The following LRFN2 variants were observed in gnomAD, a reference collection of about 807,000 sequenced individuals.
The protein encoded by LRFN2 is leucine-rich repeat and fibronectin type-III domain-containing protein 2.
In LRFN2, 18 loss-of-function variants were observed where a neutral mutation model predicts 37.3. The ratio of observed to expected loss-of-function variants is 0.48; its 90% CI spans 0.33 to 0.72. The LOEUF is 0.72. LRFN2 is among the 30% of genes least tolerant of loss of function. The probability of loss-of-function intolerance (pLI) is 0.02; values close to 1 mark genes in which losing one functional copy is unlikely to be tolerated. For synonymous variants in LRFN2, 556 were observed against 466.6 expected, an observed-to-expected ratio of 1.19 and a Z score of -2.47; for missense variants, 1,006 against 1,060.7, an observed-to-expected ratio of 0.95 and a Z score of 0.72.
chr6:40,540,074 G>A (rs1766524086), intron 1 of LRFN2, among the ~76,000 whole-genome samples: 1 of 152,152 alleles, frequency 6.6e-6, no homozygotes, highest in South Asian at 2.1e-4. Flanking sequence ...CATGGATGCA[G>A]TAGTTGAGAG....
intron 1 of LRFN2, among the ~76,000 whole-genome samples, chr6:40,482,060 T>C (rs1465613205): frequency 6.6e-6 from 1 of 152,218 alleles, no homozygotes; most frequent in Non-Finnish European, 1.5e-5. Context: ...CTAGAAGGGA[T>C]GCTGGGTTCT....
At chr6:40,586,605 A>G (rs549188882) in intron 1 of LRFN2, among the ~76,000 whole-genome samples, 99 of 152,170 alleles carry the variant, frequency 6.5e-4, no homozygotes, top group African/African-American at 2.3e-3. Context: ...TCTGGCGGCA[A>G]AGTTCTCCTG....
chr6:40,526,632 A>T (rs1271596601), intron 1 of LRFN2, among the ~76,000 whole-genome samples: 2 of 152,120 alleles, frequency 1.3e-5, no homozygotes, highest in African/African-American at 4.8e-5. Context: ...GCTCTTCCCC[A>T]AGAGCTCAGC....
chr6:40,520,983 C>T (rs1049774084), intron 1 of LRFN2, among the ~76,000 whole-genome samples: 2 of 152,214 alleles, frequency 1.3e-5, no homozygotes. Context: ...ACAGGCCAGG[C>T]GGGAGAAGCC....
chr6:40,552,433 G>A (rs1005358712), intron 1 of LRFN2, among the ~76,000 whole-genome samples: 6 of 152,204 alleles, frequency 3.9e-5, no homozygotes, highest in Non-Finnish European at 8.8e-5. Flanking sequence ...GAATAGCAAA[G>A]CTCTCTATGT....
At chr6:40,530,856 C>T (rs1157792883) in intron 1 of LRFN2, among the ~76,000 whole-genome samples, 1 of 152,174 alleles carries the variant, frequency 6.6e-6, no homozygotes, top group Non-Finnish European at 1.5e-5. Flanking sequence ...TTCTTTGCTG[C>T]TTCATATGCT....
At chr6:40,505,403 G>A (rs1265702206) in intron 1 of LRFN2, among the ~76,000 whole-genome samples, 2 of 152,126 alleles carry the variant, frequency 1.3e-5, no homozygotes, top group Non-Finnish European at 2.9e-5. Context: ...CCATGGTTTC[G>A]GAAGTCTCTA....
chr6:40,424,064 T>C (rs575791989), intron 2 of LRFN2, among the ~76,000 whole-genome samples: 3 of 152,286 alleles, frequency 2.0e-5, no homozygotes, highest in East Asian at 1.9e-4. Context: ...GACTCCAGAG[T>C]CATCTTTTTC....
chr6:40,551,364 G>A (rs1167355243), intron 1 of LRFN2, among the ~76,000 whole-genome samples: 1 of 152,180 alleles, frequency 6.6e-6, no homozygotes, highest in East Asian at 1.9e-4. Context: ...AGCTCGAGGA[G>A]GACAAAGCCA....
chr6:40,501,870 G>A (rs1765390450), intron 1 of LRFN2: 1 of 152,120 alleles, frequency 6.6e-6, no homozygotes, highest in Admixed American at 6.5e-5. Context: ...GCCAAACAGG[G>A]AGCAGAGAGC....
intron 2 of LRFN2, among the ~76,000 whole-genome samples, chr6:40,396,495 C>A (rs946774617): frequency 6.6e-6 from 1 of 152,088 alleles, no homozygotes; most frequent in African/African-American, 2.4e-5. Flanking sequence ...GATGAAGCTG[C>A]GGTTGGGCTG....
intron 1 of LRFN2, among the ~76,000 whole-genome samples, chr6:40,453,806 C>T (rs1318027524): frequency 6.6e-6 from 1 of 152,170 alleles, no homozygotes; most frequent in Non-Finnish European, 1.5e-5. Context: ...TGACGACTCT[C>T]TACAACAAAC....
chr6:40,405,004 C>T (rs1762812323), intron 2 of LRFN2, among the ~76,000 whole-genome samples: 2 of 152,312 alleles, frequency 1.3e-5, no homozygotes, highest in African/African-American at 2.4e-5. Flanking sequence ...CAAGGCTTGG[C>T]CCCACTGGCA....
chr6:40,522,390 GC>G (rs1302713608), intron 1 of LRFN2, among the ~76,000 whole-genome samples: 2 of 152,148 alleles, frequency 1.3e-5, no homozygotes, highest in African/African-American at 2.4e-5. Flanking sequence ...AAGGCCCAGA[GC>G]CCCAGCCCAC....
intron 1 of LRFN2, among the ~76,000 whole-genome samples, chr6:40,453,304 G>T (rs1764156547): frequency 6.6e-6 from 1 of 152,100 alleles, no homozygotes; most frequent in Non-Finnish European, 1.5e-5. Flanking sequence ...CTAATTGGCT[G>T]GCTTTGATAT....
At chr6:40,456,034 C>G (rs1319359648) in intron 1 of LRFN2, among the ~76,000 whole-genome samples, 1 of 152,002 alleles carries the variant, frequency 6.6e-6, no homozygotes, top group African/African-American at 2.4e-5. Flanking sequence ...GTAGGCAGCC[C>G]CTAGGAAGAA....
At chr6:40,411,604 C>A (rs28649066) in intron 2 of LRFN2, among the ~76,000 whole-genome samples, 4,102 of 152,252 alleles carry the variant, frequency 0.027, 87 homozygotes, top group East Asian at 0.084. Flanking sequence ...GCCACCCTGG[C>A]CTCTTCGTTG....
chr6:40,517,581 C>T (rs1436210094), intron 1 of LRFN2: 1 of 152,218 alleles, frequency 6.6e-6, no homozygotes, highest in Non-Finnish European at 1.5e-5. Context: ...TGTGGATTAT[C>T]CATTTCCCTG....
In LRFN2 at chr6:40,456,642, C is replaced by T. The variant is rs78326998; in HGVS notation, c.-18-23511G>A. Among the ~76,000 whole-genome samples the T allele has an allele frequency of 1.5e-4, 23 of 152,308 alleles. No homozygotes were observed. In the East Asian group the frequency reaches 4.2e-3, roughly 28 times the overall value. The stretch of plus-strand genomic sequence containing the variant: ...GTTGGCTTGTTTGATTCTCTAAGAT[C>T]CCTGAAGGGAATATTTAATACTTTT... On this transcript the variant is annotated intron_variant, in intron 1 of 2. Transcript: ENST00000338305.
Sources: allele counts gnomAD v4.1 joint callset (sites outside exome capture counted in the v4.1 genomes callset), GRCh38; gene constraint gnomAD v4.1.1; transcripts MANE v1.5; gene names NCBI Gene and HGNC (gene_info 2026-07-23, HGNC 2026-07-21).